The following KCTD8 variants were observed in gnomAD, a reference collection of about 807,000 sequenced individuals.
KCTD8 encodes the protein potassium channel tetramerization domain containing 8, also known as BTB/POZ domain-containing protein KCTD8.
Under a neutral mutation model 31.5 loss-of-function variants are expected in KCTD8, and 27 were observed. The observed-to-expected ratio is 0.86, with a 90% CI of 0.63 to 1.18. The LOEUF is 1.18. KCTD8 is among the 50% of genes most tolerant of loss of function. KCTD8 has a pLI of 0.00. For missense variants in KCTD8, 658 were observed against 647.7 expected, an observed-to-expected ratio of 1.02 and a Z score of -0.17; for synonymous variants, 290 against 280.0, an observed-to-expected ratio of 1.04 and a Z score of -0.36.
chr4:44,240,629 A>G (rs1236321758), intron 1 of KCTD8, among the ~76,000 whole-genome samples: 1 of 152,118 alleles, frequency 6.6e-6, no homozygotes, highest in Non-Finnish European at 1.5e-5. Context: ...TCAAGTCACC[A>G]TGCCCCGCAT....
chr4:44,274,949 T>C (rs748839174), intron 1 of KCTD8, among the ~76,000 whole-genome samples: 1 of 151,998 alleles, frequency 6.6e-6, no homozygotes, highest in African/African-American at 2.4e-5. Context: ...ATTAAAATGT[T>C]CTACATATAC....
At chr4:44,185,894 C>G (rs917602108) in intron 1 of KCTD8, among the ~76,000 whole-genome samples, 14 of 152,216 alleles carry the variant, frequency 9.2e-5, no homozygotes, top group Non-Finnish European at 1.9e-4. Flanking sequence ...AACACACACA[C>G]AAAACACATA....
chr4:44,278,814 T>A (rs1716820339), intron 1 of KCTD8, among the ~76,000 whole-genome samples: 1 of 152,056 alleles, frequency 6.6e-6, no homozygotes, highest in Non-Finnish European at 1.5e-5. Context: ...CCAGTCTCCA[T>A]TATTTCTCAG....
At chr4:44,203,181 T>C (rs1232145344) in intron 1 of KCTD8, among the ~76,000 whole-genome samples, 1 of 152,066 alleles carries the variant, frequency 6.6e-6, no homozygotes, top group African/African-American at 2.4e-5. Context: ...AGACAGATCA[T>C]TGTAGTCTTA....
intron 1 of KCTD8, among the ~76,000 whole-genome samples, chr4:44,256,424 T>C (rs1490706430): frequency 6.6e-6 from 1 of 151,946 alleles, no homozygotes; most frequent in African/African-American, 2.4e-5. Context: ...GAAAATTGGC[T>C]AGTGACTTGA....
chr4:44,300,746 A>C (rs1459337733), intron 1 of KCTD8, among the ~76,000 whole-genome samples: 1 of 152,110 alleles, frequency 6.6e-6, no homozygotes, highest in Admixed American at 6.5e-5. Flanking sequence ...TTTAAGTTTT[A>C]GGGTACACGT....
chr4:44,356,569 G>T (rs903360104), intron 1 of KCTD8, among the ~76,000 whole-genome samples: 2 of 152,096 alleles, frequency 1.3e-5, no homozygotes, highest in African/African-American at 4.8e-5. Context: ...CGCCTCCCGG[G>T]TTCAAGCGAT....
chr4:44,426,232 A>G (rs1434145016), intron 1 of KCTD8, among the ~76,000 whole-genome samples: 1 of 151,856 alleles, frequency 6.6e-6, no homozygotes, highest in East Asian at 1.9e-4. Flanking sequence ...TAAGCTCTAA[A>G]AAGGCCACAG....
chr4:44,396,985 G>A (rs751302473), intron 1 of KCTD8, among the ~76,000 whole-genome samples: 9 of 152,068 alleles, frequency 5.9e-5, no homozygotes, highest in Non-Finnish European at 1.0e-4. Context: ...GGCTAACAAA[G>A]CTAAAAGGAG....
At chr4:44,424,646 C>T (rs1484846347) in intron 1 of KCTD8, among the ~76,000 whole-genome samples, 1 of 151,912 alleles carries the variant, frequency 6.6e-6, no homozygotes, top group Non-Finnish European at 1.5e-5. Context: ...CCCAGAAAAA[C>T]TAAACAGAGA....
intron 1 of KCTD8, among the ~76,000 whole-genome samples, chr4:44,239,298 A>T (rs1027721750): frequency 6.6e-6 from 1 of 152,200 alleles, no homozygotes; most frequent in Non-Finnish European, 1.5e-5. Flanking sequence ...GTTGGGGCTA[A>T]GAACACAGCC....
chr4:44,432,824 A>T (rs1721537627), intron 1 of KCTD8, among the ~76,000 whole-genome samples: 1 of 151,652 alleles, frequency 6.6e-6, no homozygotes, highest in Non-Finnish European at 1.5e-5. Context: ...CTAAGTGGCA[A>T]ATCTAATTGA....
At chr4:44,208,446 A>G (rs1300989015) in intron 1 of KCTD8, among the ~76,000 whole-genome samples, 1 of 152,124 alleles carries the variant, frequency 6.6e-6, no homozygotes, top group Admixed American at 6.6e-5. Flanking sequence ...CTTCACCTCC[A>G]TCTCTTATCA....
At chr4:44,373,046 T>C (rs1295940680) in intron 1 of KCTD8, among the ~76,000 whole-genome samples, 2 of 152,204 alleles carry the variant, frequency 1.3e-5, no homozygotes, top group African/African-American at 2.4e-5. Context: ...ACATTTACAA[T>C]GCTCATAGAC....
At chr4:44,352,396 G>C (rs1222210952) in intron 1 of KCTD8, among the ~76,000 whole-genome samples, 1 of 150,600 alleles carries the variant, frequency 6.6e-6, no homozygotes, top group Non-Finnish European at 1.5e-5. Flanking sequence ...ACATTAAAAA[G>C]AATAGAAATA....
chr4:44,362,203 A>G (rs1391250052), intron 1 of KCTD8, among the ~76,000 whole-genome samples: 1 of 152,170 alleles, frequency 6.6e-6, no homozygotes, highest in Admixed American at 6.5e-5. Flanking sequence ...TAGGTGAGTC[A>G]ATGCAAGTGT....
At chr4:44,314,729 A>G (rs1044476641) in intron 1 of KCTD8, among the ~76,000 whole-genome samples, 3 of 152,038 alleles carry the variant, frequency 2.0e-5, no homozygotes, top group East Asian at 3.8e-4. Context: ...TTTATTTAAA[A>G]GATTGTGGAT....
intron 1 of KCTD8, among the ~76,000 whole-genome samples, chr4:44,397,881 T>A (rs28529108): frequency 7.4e-4 from 113 of 152,230 alleles, no homozygotes; most frequent in African/African-American, 2.1e-3. Context: ...ACCTAAAAAA[T>A]TGATTTTTTT....
In KCTD8 at chr4:44,174,247, T is replaced by G. The variant is rs1386030084; in HGVS notation, c.*543A>C. On this transcript the variant is annotated 3_prime_UTR_variant, in exon 2 of 2. Coordinates refer to ENST00000360029, the MANE Select transcript of KCTD8 (RefSeq NM_198353.3). Reference sequence around the variant, plus strand: ...TTTTTTTTTGCTTTTTTTTGTAATTTTTTTCTTTCCAAGCAACAAACAGAT... The same window carrying G: ...TTTTTTTTTGCTTTTTTTTGTAATTGTTTTCTTTCCAAGCAACAAACAGAT... 6.6e-6 allele frequency: 1 copy of G among 152,612 alleles called. No homozygotes were observed. The highest frequency in any genetic ancestry group is 2.4e-5 in the African/African-American group (1 of 41,446). The allele number at this position is 152,612 out of a possible 1,614,324, so 9.5% of individuals were successfully genotyped here. A position where few individuals can be genotyped will look rare whatever the true frequency, so the allele number is the denominator to read the frequency against.
Sources: allele counts gnomAD v4.1 joint callset (sites outside exome capture counted in the v4.1 genomes callset), GRCh38; gene constraint gnomAD v4.1.1; transcripts MANE v1.5; gene names NCBI Gene and HGNC (gene_info 2026-07-23, HGNC 2026-07-21).